The following RSRP1 variants were observed in gnomAD, a reference collection of about 807,000 sequenced individuals.
RSRP1 encodes the protein arginine/serine-rich protein 1.
In RSRP1, 37 loss-of-function variants were observed where a neutral mutation model predicts 33.0. That is an observed-to-expected ratio of 1.12 (90% CI 0.86 to 1.48). RSRP1 has a LOEUF of 1.48. Among genes scored for constraint, RSRP1 ranks in the 40% most tolerant of loss-of-function variants. The pLI is 0.00. For synonymous variants in RSRP1, 167 were observed against 158.7 expected, an observed-to-expected ratio of 1.05 and a Z score of -0.40; for missense variants, 402 against 385.3, an observed-to-expected ratio of 1.04 and a Z score of -0.36.
rs1644387300 is a variant in RSRP1, at chr1:25,315,463, CTTT to C, written c.-67+22512_-67+22514del. ...CTACATGAGCAGCAGGGTGGCAACT[CTTT>C]TTATCTTTTTAATTTATTTTTCTTT... On this transcript the variant is annotated intron_variant, in intron 1 of 1. Transcript: ENST00000561867. Among the ~76,000 whole-genome samples the C allele has an allele frequency of 1.6e-5, 2 of 124,572 alleles. 1 individual carries two copies. 81.7% of individuals were successfully genotyped at this position (124,572 alleles called of 152,430 possible).
chr1:25,333,645 T>A (rs1245818959), intron 1 of RSRP1, among the ~76,000 whole-genome samples: 1 of 131,544 alleles, frequency 7.6e-6, no homozygotes, highest in Non-Finnish European at 1.8e-5. Context: ...AGCCATTGTA[T>A]TAGTCTGTTC....
chr1:25,242,814 T>C (rs1414458155), intron 4 of RSRP1, 109 bp from the exon 5 acceptor site: 6 of 789,202 alleles, frequency 7.6e-6, no homozygotes, highest in Non-Finnish European at 8.2e-6. Context: ...ATATTATCAA[T>C]TGCTGGGCGC....
chr1:25,338,195 A>C (rs1272464441), upstream of RSRP1: 2 of 152,074 alleles, frequency 1.3e-5, no homozygotes, highest in African/African-American at 4.8e-5. Flanking sequence ...CCAGCTGTGA[A>C]CCCAGAGCGG....
chr1:25,315,385 G>C (rs899040756), intron 1 of RSRP1, among the ~76,000 whole-genome samples: 1 of 130,428 alleles, frequency 7.7e-6, no homozygotes. Context: ...CCACACGGAA[G>C]GGGGGATGGC....
At chr1:25,260,885 T>A (rs1571541598) in intron 1 of RSRP1, among the ~76,000 whole-genome samples, 1 of 150,010 alleles carries the variant, frequency 6.7e-6, no homozygotes, top group East Asian at 2.0e-4. Context: ...CACTGCAACC[T>A]CTGCCTCCCA....
Position 25,242,583 on chromosome 1 carries a change from C to T in RSRP1, c.*6G>A, listed in dbSNP as rs1347367720. 2 of 1,541,438 alleles carry T rather than the reference C, an allele frequency of 1.3e-6. No homozygotes were observed. The highest frequency in any genetic ancestry group is 1.4e-5 in the African/African-American group (1 of 72,242). On this transcript the variant is annotated 3_prime_UTR_variant, in exon 5 of 5. Transcript: ENST00000243189. ...TCATGCAAACTTAGCCATCAGTTTT[C>T]TTCTTTTAGATAGGTATCCACAGTC...
intron 1 of RSRP1, chr1:25,330,476 A>G (rs896969834): frequency 7.5e-6 from 1 of 133,576 alleles, no homozygotes; most frequent in African/African-American, 2.6e-5. Context: ...ATGTAGTTGC[A>G]TACAGAAAAT....
At chr1:25,245,047 A>T in intron 3 of RSRP1, 103 bp downstream of exon 3, 1 of 1,604,822 alleles carries the variant, frequency 6.2e-7, no homozygotes, top group Non-Finnish European at 8.5e-7. Flanking sequence ...CATTATATAC[A>T]TCTCTAGACT....
chr1:25,268,335 G>A lies in RSRP1; in HGVS notation c.-66-21306C>T, dbSNP rs1417789247. 3.8e-5 allele frequency among the ~76,000 whole-genome samples: 5 copies of A among 130,898 alleles called. 1 individual carries two copies. The highest frequency in any genetic ancestry group is 7.2e-5 in the Non-Finnish European group (4 of 55,242). The allele number at this position is 130,898 out of a possible 152,430, so 85.9% of individuals were successfully genotyped here. On this transcript the variant is annotated intron_variant, in intron 1 of 1. Transcript: ENST00000561867. ...GGAGTTCGAGACCAGACTAGCCAAC[G>A]TGGTGAAACCCTGTCACTACTAAAA... is the stretch of plus-strand genomic sequence containing the variant.
intron 3 of RSRP1, chr1:25,244,169 T>C (rs756862496): frequency 1.6e-6 from 2 of 1,288,794 alleles, no homozygotes; most frequent in South Asian, 1.2e-5. Context: ...TGGAGAATTA[T>C]AATAAACTTA....
chr1:25,321,836 A>T, intron 1 of RSRP1: 1 of 921,080 alleles, frequency 1.1e-6, no homozygotes, highest in Non-Finnish European at 1.8e-6. Flanking sequence ...TAATCTTGAG[A>T]TTAAAAATCC....
Position 25,246,516 on chromosome 1 carries a change from C to A in RSRP1, c.448G>T (p.Glu150Ter). The stretch of plus-strand genomic sequence containing the variant: ...GATCTGTCCCTCCATCTGCTGTGCT[C>A]CTCCGGGTACACTGTGCGACCAAAG... ...YGFGRTVYPEEHSRWRDRSRT... is the reference protein window; with the variant it reads ...YGFGRTVYPE The change falls in exon 2 of 5, where the codon GAG becomes TAG. Residue 150 changes from glutamate (E) to a stop codon, truncating the protein, a stop_gained. Coordinates refer to ENST00000243189, the MANE Select transcript of RSRP1 (RefSeq NM_020317.5). LOFTEE classifies it high-confidence loss of function. The A allele has an allele frequency of 6.2e-7, 1 of 1,614,256 alleles. No individual in the cohort carries two copies. Among genetic ancestry groups the A allele is most frequent in the Non-Finnish European group, 8.5e-7 (1 of 1,180,036 alleles).
At position 25,332,475 on chromosome 1, in the gene RSRP1, G is replaced by A. The variant is rs1181034388; in HGVS notation, c.-67+5503C>T. Among the ~76,000 whole-genome samples the A allele has an allele frequency of 3.0e-5, 4 of 131,970 alleles. 2 individuals carry two copies. Among genetic ancestry groups the A allele is most frequent in the Non-Finnish European group, 7.2e-5 (4 of 55,898 alleles). 86.6% of individuals were successfully genotyped at this position (131,970 alleles called of 152,430 possible). On this transcript the variant is annotated intron_variant, in intron 1 of 1. Coordinates refer to the RSRP1 transcript ENST00000561867. ...TATCCATGAATGAACTATAGTCCCT[G>A]TTATTAAGTAATCCGTAGTCTGACT...
At chr1:25,242,912 T>C (rs1571502280) in intron 4 of RSRP1, among the ~76,000 whole-genome samples, 1 of 152,150 alleles carries the variant, frequency 6.6e-6, no homozygotes, top group East Asian at 1.9e-4. Flanking sequence ...GCCAACATGG[T>C]GAAACCCTGT....
intron 1 of RSRP1, chr1:25,307,909 T>A: frequency 3.0e-6 from 3 of 1,011,590 alleles, no homozygotes; most frequent in East Asian, 2.5e-5. Flanking sequence ...GCCACTGTCT[T>A]AATAACTGTG....
intron 1 of RSRP1, among the ~76,000 whole-genome samples, chr1:25,332,840 A>G (rs1645035704): frequency 7.6e-6 from 1 of 132,446 alleles, no homozygotes; most frequent in Non-Finnish European, 1.8e-5. Flanking sequence ...TATATAAGAG[A>G]GGGTTTATGA....
rs116430606 is a variant in RSRP1 at position 25,289,888 on chromosome 1, T to C, written c.-66-42859A>G. Among the ~76,000 whole-genome samples, 986 of 129,184 alleles carry C rather than the reference T, an allele frequency of 7.6e-3. 159 individuals carry two copies. The highest frequency in any genetic ancestry group is 0.025 in the African/African-American group (924 of 37,192). The allele number at this position is 129,184 out of a possible 152,430, so 84.7% of individuals were successfully genotyped here. A position where few individuals can be genotyped will look rare whatever the true frequency, so the allele number is the denominator to read the frequency against. On this transcript the variant is annotated intron_variant, in intron 1 of 1. Coordinates refer to the RSRP1 transcript ENST00000561867. ...AATAATTTTCTACTCCTGAGCATGC[T>C]CATTGGTCAAAGGAAGGAAGGAATC...
At chr1:25,284,088 G>T (rs71652365) in intron 1 of RSRP1, among the ~76,000 whole-genome samples, 1 of 134,984 alleles carries the variant, frequency 7.4e-6, no homozygotes, top group African/African-American at 2.6e-5. Flanking sequence ...CAACAAGAGC[G>T]CTGGGCCTAT....
In RSRP1 at chr1:25,313,009, GC is replaced by G. The variant is rs1644251475; in HGVS notation, c.-67+24968del. Among the ~76,000 whole-genome samples the G allele has an allele frequency of 1.7e-5, 2 of 119,256 alleles. 1 individual carries two copies. The highest frequency in any genetic ancestry group is 3.9e-5 in the Non-Finnish European group (2 of 51,806). 78.2% of individuals were successfully genotyped at this position (119,256 alleles called of 152,430 possible). Reference sequence around the variant, plus strand: ...TGTAAGAAGGACATGCATTTTGGGGGCTGGGGCAGGATGCTGTGGTTTGAAT... The same window carrying G: ...TGTAAGAAGGACATGCATTTTGGGGGTGGGGCAGGATGCTGTGGTTTGAAT... On this transcript the variant is annotated intron_variant, in intron 1 of 1. Transcript: ENST00000561867.
Sources: allele counts gnomAD v4.1 joint callset (sites outside exome capture counted in the v4.1 genomes callset), GRCh38; gene constraint gnomAD v4.1.1; transcripts MANE v1.5; gene names NCBI Gene and HGNC (gene_info 2026-07-23, HGNC 2026-07-21).